SYNE1: variants seen among roughly 807,000 people sequenced by gnomAD.
SYNE1 encodes spectrin repeat containing nuclear envelope protein 1.
In SYNE1, 616 loss-of-function variants were observed where a neutral mutation model predicts 1,111.0. The ratio of observed to expected loss-of-function variants is 0.55; its 90% CI spans 0.52 to 0.59. The LOEUF (loss-of-function observed/expected upper bound fraction) is 0.59, where lower values mean the gene tolerates loss of function less well. Ranked by LOEUF, SYNE1 falls within the 20% of genes least tolerant of loss-of-function variation. SYNE1 has a pLI of 0.00. For synonymous variants in SYNE1, 3,855 were observed against 3,825.8 expected, an observed-to-expected ratio of 1.01 and a Z score of -0.28; for missense variants, 10,006 against 10,417.0, an observed-to-expected ratio of 0.96 and a Z score of 1.72.
At chr6:152,350,542 C>G (rs2096723013) in intron 71 of SYNE1, 76 bp downstream of exon 71, 1 of 1,595,060 alleles carries the variant, frequency 6.3e-7, no homozygotes, top group Non-Finnish European at 8.6e-7. Context: ...CTTAAAATTA[C>G]ATGACAGAGA....
At chr6:152,260,086 G>A (rs1562578382) in intron 101 of SYNE1, among the ~76,000 whole-genome samples, 1 of 152,184 alleles carries the variant, frequency 6.6e-6, no homozygotes, top group Non-Finnish European at 1.5e-5. Flanking sequence ...GAGACCTCCA[G>A]GAGGTCTGCA....
intron 3 of SYNE1, among the ~76,000 whole-genome samples, chr6:152,594,482 A>G (rs1179584461): frequency 6.6e-6 from 1 of 152,240 alleles, no homozygotes; most frequent in Non-Finnish European, 1.5e-5. Flanking sequence ...GTCAGATTAT[A>G]TTACCTTTAG....
At chr6:152,511,229 A>T in intron 6 of SYNE1, 126 bp from the exon 7 acceptor site, 1 of 821,602 alleles carries the variant, frequency 1.2e-6, no homozygotes, top group South Asian at 1.6e-5. Flanking sequence ...AGTACATGGG[A>T]GTAAGTAGAG....
intron 85 of SYNE1, 163 bp from the exon 86 acceptor site, chr6:152,318,426 A>G (rs1401652657): frequency 1.3e-6 from 1 of 777,314 alleles, no homozygotes; most frequent in East Asian, 2.7e-5. Flanking sequence ...TTGGAAAGGC[A>G]GGGCAGGATA....
chr6:152,530,215 C>T (rs2099189665), intron 4 of SYNE1, among the ~76,000 whole-genome samples: 1 of 152,182 alleles, frequency 6.6e-6, no homozygotes, highest in African/African-American at 2.4e-5. Context: ...TTGGCTTTTC[C>T]TTCTCATACT....
chr6:152,427,858 T>C, intron 37 of SYNE1, 42 bp from the exon 38 acceptor site: 1 of 1,613,420 alleles, frequency 6.2e-7, no homozygotes, highest in East Asian at 2.2e-5. Context: ...TTGAAAATTA[T>C]CATGCTAGCA....
chr6:152,554,816 A>G (rs2099359476), intron 3 of SYNE1, among the ~76,000 whole-genome samples: 2 of 152,212 alleles, frequency 1.3e-5, no homozygotes. Context: ...CAAATAAAAA[A>G]CATGGATTGC....
Position 152,329,775 on chromosome 6 carries a change from G to A in SYNE1, c.14910C>T (p.Leu4970=), listed in dbSNP as rs2096200697. 2.5e-6 allele frequency: 4 copies of A among 1,614,188 alleles called. No homozygotes were observed. Among genetic ancestry groups the A allele is most frequent in the South Asian group, 1.1e-5 (1 of 91,076 alleles). ...SADLEHSLAE[L]SELDGDIQEA... is the part of the protein sequence containing the mutation. The stretch of plus-strand genomic sequence containing the variant: ...CCTGGATGTCTCCATCCAGCTCTGA[G>A]AGCTCAGCGAGGCTGTGTTCTAAAT... The change falls in exon 78 of 146, where the codon CTC becomes CTT. Residue 4970 remains leucine, a synonymous_variant. Transcript: ENST00000367255.
intron 95 of SYNE1, among the ~76,000 whole-genome samples, chr6:152,292,684 C>T (rs2094665104): frequency 6.6e-6 from 1 of 152,204 alleles, no homozygotes; most frequent in Non-Finnish European, 1.5e-5. Flanking sequence ...ACTCCTAAAG[C>T]TGTTAAGTTA....
At chr6:152,491,388 C>G (rs1181021182) in intron 11 of SYNE1, among the ~76,000 whole-genome samples, 1 of 152,140 alleles carries the variant, frequency 6.6e-6, no homozygotes, top group Non-Finnish European at 1.5e-5. Flanking sequence ...CTCACCACCC[C>G]CTTCTCTGTG....
chr6:152,372,474 C>T (rs922094210), intron 59 of SYNE1, among the ~76,000 whole-genome samples: 11 of 151,676 alleles, frequency 7.3e-5, no homozygotes, highest in Admixed American at 2.6e-4. Flanking sequence ...AAAGAAGAGT[C>T]GATACATAAA....
chr6:152,497,396 T>A (rs1002938720), intron 11 of SYNE1, among the ~76,000 whole-genome samples: 1 of 152,222 alleles, frequency 6.6e-6, no homozygotes, highest in Non-Finnish European at 1.5e-5. Flanking sequence ...TTGATTCTCA[T>A]GCCCAGAAAA....
intron 67 of SYNE1, among the ~76,000 whole-genome samples, chr6:152,354,267 T>C (rs147447260): frequency 1.4e-4 from 21 of 152,376 alleles, no homozygotes; most frequent in African/African-American, 4.8e-4. Flanking sequence ...TCAAGCATTA[T>C]TTTAGATGTG....
chr6:152,519,537 A>G (rs2154347352), intron 6 of SYNE1, among the ~76,000 whole-genome samples: 1 of 152,354 alleles, frequency 6.6e-6, no homozygotes, highest in African/African-American at 2.4e-5. Flanking sequence ...ATGTGTCCCT[A>G]CTGGAATAAA....
At chr6:152,242,167 T>TA in intron 107 of SYNE1, 73 bp downstream of exon 107, 1 of 1,370,746 alleles carries the variant, frequency 7.3e-7, no homozygotes, top group Non-Finnish European at 1.0e-6. Flanking sequence ...TAGGTTTTAC[T>TA]AAATATATAT....
chr6:152,616,631 G>T (rs1387839696), intron 3 of SYNE1, among the ~76,000 whole-genome samples: 6 of 151,980 alleles, frequency 3.9e-5, no homozygotes, highest in Non-Finnish European at 8.8e-5. Context: ...AGGGAGCATT[G>T]AGATGAGGAT....
chr6:152,409,383 C>T (rs2097970480), intron 43 of SYNE1, 157 bp from the exon 44 acceptor site: 19 of 1,095,690 alleles, frequency 1.7e-5, no homozygotes, highest in Non-Finnish European at 2.5e-5. Context: ...ACACCATTTT[C>T]TTGAATTGCT....
intron 14 of SYNE1, 65 bp downstream of exon 14, chr6:152,483,020 T>C: frequency 1.3e-6 from 2 of 1,592,280 alleles, no homozygotes; most frequent in Non-Finnish European, 8.6e-7. Flanking sequence ...AGGTTGTAAC[T>C]AGGCTACCTC....
chr6:152,502,288 G>A (rs1029751264), intron 10 of SYNE1, among the ~76,000 whole-genome samples: 1 of 152,098 alleles, frequency 6.6e-6, no homozygotes, highest in African/African-American at 2.4e-5. Flanking sequence ...CCAGAGCGAG[G>A]GGATTAAAGA....
Sources: allele counts gnomAD v4.1 joint callset (sites outside exome capture counted in the v4.1 genomes callset), GRCh38; gene constraint gnomAD v4.1.1; transcripts MANE v1.5; gene names NCBI Gene and HGNC (gene_info 2026-07-23, HGNC 2026-07-21).